Variants in VWA8 observed in about 807,000 individuals in gnomAD.
VWA8 encodes von Willebrand factor A domain-containing protein 8.
Under a neutral mutation model 241.5 loss-of-function variants are expected in VWA8, and 221 were observed. The ratio of observed to expected loss-of-function variants is 0.91; its 90% confidence interval spans 0.82 to 1.02. VWA8 has a LOEUF of 1.02. Ranked by LOEUF, VWA8 falls within the 50% of genes least tolerant of loss-of-function variation. The pLI is 0.00. For synonymous variants in VWA8, 852 were observed against 827.1 expected (o/e 1.03, Z -0.52); for missense variants, 2,322 against 2,328.7 (o/e 1.00, Z 0.06).
intron 9 of VWA8, among the ~76,000 whole-genome samples, chr13:41,874,519 C>T (rs1021942234): frequency 6.6e-6 from 1 of 152,144 alleles, no homozygotes; most frequent in African/African-American, 2.4e-5. Context: ...GCAAAAATCA[C>T]AAGCATTCTT....
chr13:41,724,432 G>A (rs2045416288), intron 24 of VWA8, among the ~76,000 whole-genome samples: 1 of 152,176 alleles, frequency 6.6e-6, no homozygotes, highest in African/African-American at 2.4e-5. Context: ...AATAATGTAA[G>A]GAGAGGGAAG....
chr13:41,808,849 G>GA (rs56183356), intron 17 of VWA8, among the ~76,000 whole-genome samples: 35,299 of 149,734 alleles, frequency 0.24, 4,848 homozygotes, highest in South Asian at 0.32. Context: ...GCTTATACTT[G>GA]AAAAAAAAAC....
chr13:41,750,381 C>T (rs1045295554), intron 21 of VWA8, among the ~76,000 whole-genome samples: 2 of 150,662 alleles, frequency 1.3e-5, no homozygotes, highest in Non-Finnish European at 3.0e-5. Flanking sequence ...TGCAGTGAGC[C>T]GAGATCATGC....
chr13:41,784,159 AAC>A (rs1387223370), intron 18 of VWA8, among the ~76,000 whole-genome samples: 1 of 152,072 alleles, frequency 6.6e-6, no homozygotes, highest in East Asian at 1.9e-4. Flanking sequence ...AAAAAAACAA[AAC>A]AAAAAACCAG....
In VWA8 at chr13:41,883,451, C is replaced by G; in HGVS notation, c.1016G>C (p.Trp339Ser). ...TAGTAAAATACTATATGGATAAAGC[C>G]ACTGGATTGCATGTTTGATTGGCAT... is the stretch of plus-strand genomic sequence containing the variant. ...PMMPIKHAIQ[W>S]LYPYSILLGH... is the part of the protein sequence containing the mutation. Residue 339 changes from tryptophan (W) to serine (S), a missense_variant, in exon 9 of 45, where the codon TGG (tryptophan) becomes TCG (serine). Coordinates refer to ENST00000379310, the MANE Select transcript of VWA8 (RefSeq NM_015058.2). The G allele has an allele frequency of 6.2e-7, 1 of 1,613,638 alleles. No individual in the cohort carries two copies. Among genetic ancestry groups the G allele is most frequent in the Non-Finnish European group, 8.5e-7 (1 of 1,179,770 alleles).
intron 21 of VWA8, among the ~76,000 whole-genome samples, chr13:41,759,323 T>C (rs1389594724): frequency 6.6e-6 from 1 of 151,644 alleles, no homozygotes; most frequent in African/African-American, 2.4e-5. Flanking sequence ...CCCCTATAGG[T>C]AATACGTCTT....
intron 12 of VWA8, among the ~76,000 whole-genome samples, chr13:41,857,649 C>G (rs965865419): frequency 6.5e-4 from 98 of 151,860 alleles, no homozygotes; most frequent in Non-Finnish European, 1.1e-3. Flanking sequence ...ACTTATGATC[C>G]TCTTATAGCA....
At chr13:41,809,059 G>C (rs1870351724) in intron 17 of VWA8, among the ~76,000 whole-genome samples, 1 of 151,948 alleles carries the variant, frequency 6.6e-6, no homozygotes, top group Non-Finnish European at 1.5e-5. Flanking sequence ...CCAAAGAAGG[G>C]AAAGACCCCT....
At chr13:41,721,272 G>A in intron 25 of VWA8, 98 bp downstream of exon 25, 1 of 1,200,718 alleles carries the variant, frequency 8.3e-7, no homozygotes, top group Non-Finnish European at 1.2e-6. Context: ...ACTCATTATT[G>A]TATTTATGGA....
At chr13:41,883,521 A>G (rs771315278) in intron 8 of VWA8, 30 bp from the exon 9 acceptor site, 2 of 1,511,234 alleles carry the variant, frequency 1.3e-6, no homozygotes, top group Admixed American at 1.7e-5. Flanking sequence ...CATAGGAATG[A>G]GCAAAATTCA....
chr13:41,881,732 AC>A (rs1375019639), intron 9 of VWA8, among the ~76,000 whole-genome samples: 1 of 107,156 alleles, frequency 9.3e-6, no homozygotes, highest in East Asian at 3.2e-4. Context: ...CTGGGGGCTG[AC>A]CCCCCCACCT....
intron 17 of VWA8, among the ~76,000 whole-genome samples, chr13:41,810,345 T>C (rs1284646420): frequency 1.3e-5 from 2 of 152,156 alleles, no homozygotes; most frequent in Non-Finnish European, 1.5e-5. Flanking sequence ...TGAAGCACTA[T>C]TCACAATAGC....
At chr13:41,886,501 A>G (rs1042924758) in intron 7 of VWA8, among the ~76,000 whole-genome samples, 1 of 152,198 alleles carries the variant, frequency 6.6e-6, no homozygotes, top group Non-Finnish European at 1.5e-5. Context: ...TGCTTTTATG[A>G]AGCCCTTATA....
intron 15 of VWA8, among the ~76,000 whole-genome samples, chr13:41,817,362 TTAACTA>T: frequency 6.6e-6 from 1 of 152,236 alleles, no homozygotes; most frequent in South Asian, 2.1e-4. Context: ...TCGATTGCTT[TTAACTA>T]TAACAAACTT....
chr13:41,672,981 A>C lies in VWA8; in HGVS notation c.4410-1834T>G, dbSNP rs116734050. Among the ~76,000 whole-genome samples, 204 of 152,298 alleles carry C rather than the reference A, an allele frequency of 1.3e-3. 1 individual carries two copies. Among genetic ancestry groups the C allele is most frequent in the African/African-American group, 4.7e-3 (197 of 41,564 alleles). ...GTCACTACTTAACTCTTCATAGCAA[A>C]ACTTTACATTTACAGGCAATTTCTT... is the stretch of plus-strand genomic sequence containing the variant. On this transcript the variant is annotated intron_variant, in intron 36 of 44. Transcript: ENST00000379310.
intron 21 of VWA8, 120 bp from the exon 22 acceptor site, chr13:41,732,275 T>C (rs9315862): frequency 0.31 from 224,442 of 717,494 alleles, 37,859 homozygotes; most frequent in Non-Finnish European, 0.33. Context: ...TGCTTCCCCT[T>C]CCCCCACCAA....
At position 41,633,542 on chromosome 13, in the gene VWA8, G is replaced by A. The variant is rs868514255; in HGVS notation, c.4612-18458C>T. On this transcript the variant is annotated intron_variant, in intron 37 of 44. Coordinates refer to ENST00000379310, the MANE Select transcript of VWA8 (RefSeq NM_015058.2). ...AAAGAAAGCAGGAACTTTGGGGTAGGAGAAAAGAATACCATTGGAATTCAC... is the reference window on the plus strand; with the variant it reads ...AAAGAAAGCAGGAACTTTGGGGTAGAAGAAAAGAATACCATTGGAATTCAC... Among the ~76,000 whole-genome samples, 6 of 152,200 alleles carry A rather than the reference G, an allele frequency of 3.9e-5. No individual in the cohort carries two copies. In the South Asian group the frequency reaches 1.2e-3, roughly 32 times the overall value.
At chr13:41,828,379 T>C (rs1016434567) in intron 14 of VWA8, among the ~76,000 whole-genome samples, 4 of 152,106 alleles carry the variant, frequency 2.6e-5, no homozygotes, top group Non-Finnish European at 5.9e-5. Flanking sequence ...TGATGAGGAG[T>C]TCCTCTGTAT....
chr13:41,828,971 A>C (rs1871297252), intron 14 of VWA8, among the ~76,000 whole-genome samples: 1 of 152,168 alleles, frequency 6.6e-6, no homozygotes, highest in Admixed American at 6.5e-5. Flanking sequence ...GGGTAATCCG[A>C]TATCAGATGG....
Sources: allele counts gnomAD v4.1 joint callset (sites outside exome capture counted in the v4.1 genomes callset), GRCh38; gene constraint gnomAD v4.1.1; transcripts MANE v1.5; gene names NCBI Gene and HGNC (gene_info 2026-07-23, HGNC 2026-07-21).